The following PYY variants were observed in gnomAD, a reference collection of about 807,000 sequenced individuals.
The protein encoded by PYY is peptide YY.
In PYY, 12 loss-of-function variants were observed where a neutral mutation model predicts 10.3. That is an observed-to-expected ratio of 1.17 (90% CI 0.75 to 1.89). The LOEUF is 1.89. PYY is among the 40% of genes most tolerant of loss of function. PYY has a pLI of 0.00. For missense variants in PYY, 141 were observed against 134.0 expected, an observed-to-expected ratio of 1.05 and a Z score of -0.26; for synonymous variants, 66 against 62.0, an observed-to-expected ratio of 1.06 and a Z score of -0.30.
chr17:43,970,105 G>T (rs1597848744), intron 1 of PYY, among the ~76,000 whole-genome samples: 1 of 150,714 alleles, frequency 6.6e-6, no homozygotes, highest in Middle Eastern at 3.4e-3. Flanking sequence ...GGAGGCTGAA[G>T]TGGGGGAATC....
chr17:43,971,503 T>C (rs886864470), intron 1 of PYY, among the ~76,000 whole-genome samples: 1 of 149,366 alleles, frequency 6.7e-6, no homozygotes, highest in African/African-American at 2.5e-5. Flanking sequence ...CTGGGAGGTG[T>C]AGGTTGCAGT....
intron 1 of PYY, among the ~76,000 whole-genome samples, chr17:43,998,612 T>C (rs6503486): frequency 0.91 from 138,593 of 152,178 alleles, 63,597 homozygotes; most frequent in East Asian, 1. Context: ...TTGTCCAGGC[T>C]GCAGTACAGT....
At chr17:43,977,462 T>G (rs1203837904) in intron 1 of PYY, among the ~76,000 whole-genome samples, 1 of 152,100 alleles carries the variant, frequency 6.6e-6, no homozygotes. Context: ...CCAGGACTCA[T>G]GCAAGGAGTC....
At chr17:43,998,471 T>C (rs990349227) in intron 1 of PYY, among the ~76,000 whole-genome samples, 1 of 151,840 alleles carries the variant, frequency 6.6e-6, no homozygotes. Flanking sequence ...GGCAGGAAAA[T>C]TGCTTGAACC....
chr17:43,963,543 G>A (rs1198779811), intron 2 of PYY, among the ~76,000 whole-genome samples: 1 of 116,468 alleles, frequency 8.6e-6, no homozygotes, highest in Non-Finnish European at 1.7e-5. Context: ...AGGAAGAGAA[G>A]GAAGGGAAGG....
intron 2 of PYY, among the ~76,000 whole-genome samples, chr17:43,963,780 C>T (rs560798720): frequency 6.8e-6 from 1 of 147,730 alleles, no homozygotes; most frequent in South Asian, 2.2e-4. Context: ...CTAGACTGGG[C>T]AACATAAAGA....
chr17:43,954,624 C>G (rs2048660359), upstream of PYY, among the ~76,000 whole-genome samples: 2 of 152,154 alleles, frequency 1.3e-5, no homozygotes, highest in African/African-American at 2.4e-5. Flanking sequence ...AGTCGGCCAC[C>G]TGTGTATCCA....
intron 1 of PYY, among the ~76,000 whole-genome samples, chr17:43,996,845 G>A (rs1394853932): frequency 1.3e-5 from 2 of 151,878 alleles, no homozygotes; most frequent in African/African-American, 2.4e-5. Context: ...ACACCACCAC[G>A]CCCAGCTAAT....
chr17:43,992,356 G>A (rs1467128622), intron 1 of PYY, among the ~76,000 whole-genome samples: 2 of 152,000 alleles, frequency 1.3e-5, no homozygotes, highest in Non-Finnish European at 2.9e-5. Context: ...CGAGGCAGAT[G>A]GATCACTTAA....
chr17:43,969,748 A>C (rs899194359), intron 1 of PYY, among the ~76,000 whole-genome samples: 3 of 54,266 alleles, frequency 5.5e-5, no homozygotes, highest in East Asian at 1.8e-3. Context: ...TACAAAAAAA[A>C]CTTTTTTTTT....
At chr17:43,960,742 C>A (rs1315808643) in intron 2 of PYY, among the ~76,000 whole-genome samples, 1 of 150,318 alleles carries the variant, frequency 6.7e-6, no homozygotes, top group African/African-American at 2.5e-5. Context: ...CCCAGCTACT[C>A]AGGAGACTGA....
At chr17:43,967,483 A>G (rs935821960) in intron 1 of PYY, among the ~76,000 whole-genome samples, 1 of 152,168 alleles carries the variant, frequency 6.6e-6, no homozygotes, top group Non-Finnish European at 1.5e-5. Flanking sequence ...AGCTCAGACC[A>G]CAAACTCTGG....
intron 1 of PYY, among the ~76,000 whole-genome samples, chr17:43,997,373 G>A (rs2048998417): frequency 6.6e-6 from 1 of 152,068 alleles, no homozygotes; most frequent in Non-Finnish European, 1.5e-5. Flanking sequence ...GGTAACACTT[G>A]AGCAAACCCT....
At chr17:44,003,862 C>T (rs1179325082) in intron 1 of PYY, among the ~76,000 whole-genome samples, 1 of 151,250 alleles carries the variant, frequency 6.6e-6, no homozygotes, top group African/African-American at 2.4e-5. Context: ...TGGTGGTGTG[C>T]ATTTGTGGTC....
chr17:43,955,911 C>T (rs557539837), upstream of PYY, among the ~76,000 whole-genome samples: 2 of 151,878 alleles, frequency 1.3e-5, no homozygotes, highest in East Asian at 3.9e-4. Flanking sequence ...TGCAGGCTAA[C>T]GGGGGCAAGG....
At chr17:43,976,397 G>T (rs190825182) in intron 1 of PYY, among the ~76,000 whole-genome samples, 5 of 136,354 alleles carry the variant, frequency 3.7e-5, no homozygotes, top group Non-Finnish European at 7.9e-5. Flanking sequence ...ATACATATAC[G>T]TATATACATA....
At chr17:43,968,502 T>C (rs974831635) in intron 1 of PYY, among the ~76,000 whole-genome samples, 1 of 152,122 alleles carries the variant, frequency 6.6e-6, no homozygotes, top group Non-Finnish European at 1.5e-5. Flanking sequence ...TGGACATATA[T>C]GTAAAAATCT....
rs1016808760 is a variant in PYY, at chr17:43,987,253, C to G, written c.-463+17138G>C. On this transcript the variant is annotated intron_variant, in intron 1 of 6. Transcript: ENST00000360085. This position sits in a 1 kb window ranked among gnomAD's most constrained non-coding sequence, Gnocchi z 4.0. ...AGAAAATGGGGCTTCCCTCCCTCCC[C>G]GCCGCTGCTCTCTGACTTAATTACT... 6.6e-6 allele frequency among the ~76,000 whole-genome samples: 1 copy of G among 152,164 alleles called. No homozygotes were observed. The highest frequency in any genetic ancestry group is 2.4e-5 in the African/African-American group (1 of 41,450).
chr17:43,975,741 TATATAC>T lies in PYY; in HGVS notation c.-462-9215_-462-9210del, dbSNP rs372124470. Among the ~76,000 whole-genome samples, 108 of 125,738 alleles carry T rather than the reference TATATAC, an allele frequency of 8.6e-4. 18 individuals carry two copies. The highest frequency in any genetic ancestry group is 2.3e-3 in the African/African-American group (66 of 28,970). 82.5% of individuals were successfully genotyped at this position (125,738 alleles called of 152,430 possible). A position where few individuals can be genotyped will look rare whatever the true frequency, so the allele number is the denominator to read the frequency against. On this transcript the variant is annotated intron_variant, in intron 1 of 6. Transcript: ENST00000360085. Reference sequence around the variant, plus strand: ...AAAAAAAAAAATATATATATATATATATATACACACACACACACATATATATATACA... The same window carrying T: ...AAAAAAAAAAATATATATATATATATACACACACACACATATATATATACA...
Sources: allele counts gnomAD v4.1 joint callset (sites outside exome capture counted in the v4.1 genomes callset), GRCh38; gene constraint gnomAD v4.1.1; non-coding constraint Gnocchi (gnomAD v3.1); transcripts MANE v1.5; gene names NCBI Gene and HGNC (gene_info 2026-07-23, HGNC 2026-07-21).